Variants in WWOX observed in about 807,000 individuals in gnomAD.
The protein encoded by WWOX is WW domain containing oxidoreductase.
Under a neutral mutation model 46.2 loss-of-function variants are expected in WWOX, and 69 were observed. That is an observed-to-expected ratio of 1.49 (90% CI 1.23 to 1.82). The LOEUF is 1.82. Among genes scored for constraint, WWOX ranks in the 40% most tolerant of loss-of-function variants. The probability of loss-of-function intolerance (pLI) is 0.00; values close to 1 mark genes in which losing one functional copy is unlikely to be tolerated. For missense variants in WWOX, 919 were observed against 542.6 expected, an observed-to-expected ratio of 1.69 and a Z score of -6.89; for synonymous variants, 359 against 202.6, an observed-to-expected ratio of 1.77 and a Z score of -6.56.
At chr16:79,168,434 A>G (rs1346573556) in intron 8 of WWOX, among the ~76,000 whole-genome samples, 1 of 152,164 alleles carries the variant, frequency 6.6e-6, no homozygotes. Context: ...GAGTGTTCTC[A>G]GGTAACTATA....
rs189470340 is a variant in WWOX, at chr16:78,195,860, A to G, written c.516+31571A>G. Among the ~76,000 whole-genome samples the G allele has an allele frequency of 1.6e-4, 24 of 151,780 alleles. No individual in the cohort carries two copies. In the East Asian group the frequency reaches 3.5e-3, roughly 22 times the overall value. On this transcript the variant is annotated intron_variant, in intron 5 of 8. Coordinates refer to ENST00000566780, the MANE Select transcript of WWOX (RefSeq NM_016373.4). ...AAAAAAGAAAAAAAAAAGATTGAAC[A>G]TGTGGAATATGAGACAAATGAAAAA...
At position 78,959,684 on chromosome 16, in the gene WWOX, A is replaced by T. The variant is rs553783587; in HGVS notation, c.1057-251924A>T. Among the ~76,000 whole-genome samples, 28 of 152,332 alleles carry T rather than the reference A, an allele frequency of 1.8e-4. No individual in the cohort carries two copies. The South Asian group carries it at 5.6e-3, about 30-fold the overall frequency. On this transcript the variant is annotated intron_variant, in intron 8 of 8. Coordinates refer to ENST00000566780, the MANE Select transcript of WWOX (RefSeq NM_016373.4). ...AATTTGTCGGATAGACTGCAGGCTC[A>T]GACACTGATGAGACCCCCCTGCAAC...
At chr16:78,871,858 C>T (rs1435473676) in intron 8 of WWOX, among the ~76,000 whole-genome samples, 2 of 152,186 alleles carry the variant, frequency 1.3e-5, no homozygotes, top group African/African-American at 4.8e-5. Flanking sequence ...CCACCTTGGC[C>T]TCCCAAAGCG....
At chr16:78,600,197 C>T (rs1384987566) in intron 8 of WWOX, among the ~76,000 whole-genome samples, 5 of 152,038 alleles carry the variant, frequency 3.3e-5, no homozygotes, top group Admixed American at 6.5e-5. Context: ...GATTCAGTTA[C>T]GTTCCACCGG....
intron 8 of WWOX, among the ~76,000 whole-genome samples, chr16:79,172,709 A>G (rs1387073908): frequency 6.6e-6 from 1 of 152,180 alleles, no homozygotes; most frequent in Non-Finnish European, 1.5e-5. Context: ...TAAAAAGGCC[A>G]TGGAAATATA....
intron 8 of WWOX, chr16:78,553,143 G>A (rs1377147252): frequency 6.6e-6 from 1 of 152,264 alleles, no homozygotes; most frequent in Non-Finnish European, 1.5e-5. Context: ...GGTTGGGGGA[G>A]GGAGAGCATC....
intron 5 of WWOX, among the ~76,000 whole-genome samples, chr16:78,381,620 C>T (rs890857078): frequency 6.6e-6 from 1 of 152,108 alleles, no homozygotes; most frequent in Non-Finnish European, 1.5e-5. Flanking sequence ...CTGAGATAAG[C>T]TTGTACTGGT....
chr16:78,768,971 G>C (rs1308511682), intron 8 of WWOX, among the ~76,000 whole-genome samples: 1 of 152,184 alleles, frequency 6.6e-6, no homozygotes, highest in African/African-American at 2.4e-5. Context: ...ATAAAACCAA[G>C]CACCAGAAGG....
At chr16:78,734,836 C>CAGT (rs1345991016) in intron 8 of WWOX, among the ~76,000 whole-genome samples, 1 of 88,590 alleles carries the variant, frequency 1.1e-5, no homozygotes. Context: ...GTGGGGACTT[C>CAGT]AGTCCTTTTT....
intron 8 of WWOX, among the ~76,000 whole-genome samples, chr16:78,925,460 C>T (rs1226626964): frequency 6.6e-6 from 1 of 152,148 alleles, no homozygotes; most frequent in South Asian, 2.1e-4. Flanking sequence ...TTAAAAAATG[C>T]CCTCACATTT....
chr16:78,525,671 C>G (rs1197220261), intron 8 of WWOX: 2 of 151,960 alleles, frequency 1.3e-5, no homozygotes, highest in South Asian at 4.2e-4. Context: ...CCTCTCCCAC[C>G]CAAGGACAAT....
chr16:78,990,474 T>A (rs1197683316), intron 8 of WWOX, among the ~76,000 whole-genome samples: 1 of 152,126 alleles, frequency 6.6e-6, no homozygotes, highest in Non-Finnish European at 1.5e-5. Context: ...GGTCAACAGC[T>A]GTGTTACTGC....
rs181823210 is a variant in WWOX, at chr16:78,870,825, C to A, written c.1057-340783C>A. 6.2e-3 allele frequency among the ~76,000 whole-genome samples: 940 copies of A among 152,304 alleles called. 21 individuals carry two copies. Among genetic ancestry groups the A allele is most frequent in the Non-Finnish European group, 4.7e-3 (317 of 68,030 alleles). ...CCGTGTTGCCCAGGGTTGTCTCGAACTCCTGAGCTTAGGCAGTCTGCCCAC... is the reference window on the plus strand; with the variant it reads ...CCGTGTTGCCCAGGGTTGTCTCGAAATCCTGAGCTTAGGCAGTCTGCCCAC... On this transcript the variant is annotated intron_variant, in intron 8 of 8. Coordinates refer to ENST00000566780, the MANE Select transcript of WWOX (RefSeq NM_016373.4).
intron 8 of WWOX, among the ~76,000 whole-genome samples, chr16:78,852,712 G>A (rs2052476773): frequency 6.6e-6 from 1 of 152,168 alleles, no homozygotes; most frequent in African/African-American, 2.4e-5. Context: ...TTAATACAGA[G>A]CCCATATGCG....
chr16:79,151,118 A>G (rs972514861), intron 8 of WWOX, among the ~76,000 whole-genome samples: 2 of 136,602 alleles, frequency 1.5e-5, no homozygotes, highest in East Asian at 4.8e-4. Flanking sequence ...AGGAAACACA[A>G]ATTTGACTCA....
chr16:78,123,031 T>C (rs1478083209), intron 4 of WWOX, among the ~76,000 whole-genome samples: 2 of 152,218 alleles, frequency 1.3e-5, no homozygotes, highest in Non-Finnish European at 2.9e-5. Flanking sequence ...AATATAGTTC[T>C]GTTCCTCTCA....
At chr16:78,593,006 C>T (rs1219837809) in intron 8 of WWOX, among the ~76,000 whole-genome samples, 1 of 152,136 alleles carries the variant, frequency 6.6e-6, no homozygotes, top group Non-Finnish European at 1.5e-5. Context: ...AGATAGCTGC[C>T]AGGGAGGCTG....
At chr16:78,399,731 A>T (rs1409746859) in intron 6 of WWOX, among the ~76,000 whole-genome samples, 1 of 152,216 alleles carries the variant, frequency 6.6e-6, no homozygotes, top group Non-Finnish European at 1.5e-5. Flanking sequence ...CCATGAATCC[A>T]GCTTGGTTTT....
At chr16:78,652,091 C>T (rs569649946) in intron 8 of WWOX, among the ~76,000 whole-genome samples, 2 of 152,222 alleles carry the variant, frequency 1.3e-5, no homozygotes, top group African/African-American at 4.8e-5. Context: ...CAGAAGCCAG[C>T]TTGAGACCAG....
Sources: allele counts gnomAD v4.1 joint callset (sites outside exome capture counted in the v4.1 genomes callset), GRCh38; gene constraint gnomAD v4.1.1; transcripts MANE v1.5; gene names NCBI Gene and HGNC (gene_info 2026-07-23, HGNC 2026-07-21).